Variants in PARP11 observed in about 807,000 individuals in gnomAD.
The protein encoded by PARP11 is poly(ADP-ribose) polymerase family member 11.
Under a neutral mutation model 42.9 loss-of-function variants are expected in PARP11, and 31 were observed. The ratio of observed to expected loss-of-function variants is 0.72; its 90% CI spans 0.54 to 0.98. The LOEUF (loss-of-function observed/expected upper bound fraction) is 0.98. Among genes scored for constraint, PARP11 ranks in the 50% least tolerant of loss-of-function variants. PARP11 has a pLI of 0.00. For missense variants in PARP11, 365 were observed against 413.1 expected, an observed-to-expected ratio of 0.88 and a Z score of 1.01; for synonymous variants, 137 against 127.3, an observed-to-expected ratio of 1.08 and a Z score of -0.51.
intron 1 of PARP11, among the ~76,000 whole-genome samples, chr12:3,831,269 T>G (rs1365850893): frequency 6.6e-6 from 1 of 151,776 alleles, no homozygotes; most frequent in East Asian, 2.0e-4. Flanking sequence ...CTCACTCTGT[T>G]TGTGTGTGTA....
chr12:3,813,827 C>T (rs1947229856), intron 7 of PARP11, among the ~76,000 whole-genome samples: 1 of 152,150 alleles, frequency 6.6e-6, no homozygotes, highest in Non-Finnish European at 1.5e-5. Context: ...TTCCTTATTG[C>T]TCACTAATAT....
chr12:3,873,172 C>A (rs957723588), intron 1 of PARP11, 40 bp downstream of exon 1: 14 of 1,506,588 alleles, frequency 9.3e-6, no homozygotes, highest in Non-Finnish European at 1.3e-5. Flanking sequence ...TCTCATCAAC[C>A]CCGCCCCCTG....
At chr12:3,836,750 G>C (rs1454042661) in intron 1 of PARP11, among the ~76,000 whole-genome samples, 4 of 152,198 alleles carry the variant, frequency 2.6e-5, no homozygotes. Flanking sequence ...CAAATATTAT[G>C]TAGGGAGAGA....
At chr12:3,837,891 A>G (rs1591777967) in intron 1 of PARP11, among the ~76,000 whole-genome samples, 1 of 152,020 alleles carries the variant, frequency 6.6e-6, no homozygotes, top group African/African-American at 2.4e-5. Flanking sequence ...GGGTCAACGA[A>G]GCAAGTGGAC....
intron 1 of PARP11, among the ~76,000 whole-genome samples, chr12:3,830,709 G>T (rs1000714832): frequency 6.6e-6 from 1 of 152,102 alleles, no homozygotes; most frequent in Non-Finnish European, 1.5e-5. Flanking sequence ...CTACACAGAT[G>T]AAAATTCATT....
At chr12:3,858,821 G>A (rs1948239394) in intron 1 of PARP11, among the ~76,000 whole-genome samples, 1 of 152,182 alleles carries the variant, frequency 6.6e-6, no homozygotes, top group East Asian at 1.9e-4. Context: ...TGGGTGCGGT[G>A]GCTCACGCCT....
chr12:3,812,656 C>T (rs1231934295), intron 7 of PARP11, among the ~76,000 whole-genome samples: 1 of 152,180 alleles, frequency 6.6e-6, no homozygotes. Context: ...TTGGTACAGA[C>T]CAGTCCTCAC....
intron 1 of PARP11, among the ~76,000 whole-genome samples, chr12:3,848,526 A>C (rs1213681157): frequency 2.6e-5 from 4 of 152,194 alleles, no homozygotes; most frequent in Admixed American, 1.3e-4. Context: ...ACTCATTTCA[A>C]CAAAGTCACC....
At position 3,861,002 on chromosome 12, in the gene PARP11, A is replaced by G. The variant is rs1375881298; in HGVS notation, c.18+12210T>C. On this transcript the variant is annotated intron_variant, in intron 1 of 7. Coordinates refer to ENST00000228820, the MANE Select transcript of PARP11 (RefSeq NM_020367.6). This position sits in a 1 kb window ranked among gnomAD's most constrained non-coding sequence, Gnocchi z 4.6. ...CCACCATTGCATTTTGGAAGCACATATTTGGTTTCACAGGGTCACAGCTGG... is the reference window on the plus strand; with the variant it reads ...CCACCATTGCATTTTGGAAGCACATGTTTGGTTTCACAGGGTCACAGCTGG... 6.6e-6 allele frequency among the ~76,000 whole-genome samples: 1 copy of G among 152,156 alleles called. No individual in the cohort carries two copies. Among genetic ancestry groups the G allele is most frequent in the African/African-American group, 2.4e-5 (1 of 41,450 alleles).
intron 6 of PARP11, among the ~76,000 whole-genome samples, 176 bp downstream of exon 6, chr12:3,821,690 CAAAGTTT>C (rs1947395869): frequency 6.6e-6 from 1 of 152,200 alleles, no homozygotes; most frequent in Non-Finnish European, 1.5e-5. Context: ...ATGCTACAAG[CAAAGTTT>C]ACAGAGCACC....
chr12:3,822,352 ACTTTGG>A (rs1947413711), intron 4 of PARP11, among the ~76,000 whole-genome samples, 195 bp from the exon 5 acceptor site: 1 of 151,770 alleles, frequency 6.6e-6, no homozygotes, highest in African/African-American at 2.4e-5. Context: ...TAATCCCAGC[ACTTTGG>A]GAGGCCGAGG....
intron 1 of PARP11, among the ~76,000 whole-genome samples, chr12:3,835,345 T>G (rs1201978479): frequency 6.6e-6 from 1 of 151,284 alleles, no homozygotes; most frequent in East Asian, 2.0e-4. Flanking sequence ...GAAAATGGAC[T>G]TTACAGAATT....
At chr12:3,866,898 G>A (rs956592803) in intron 1 of PARP11, among the ~76,000 whole-genome samples, 1 of 152,110 alleles carries the variant, frequency 6.6e-6, no homozygotes, top group Non-Finnish European at 1.5e-5. Context: ...ATATAGAAGA[G>A]CAATTACTGT....
rs1337367981 is a variant in PARP11, at chr12:3,809,530, T to C, written c.*2593A>G. 1.4e-5 allele frequency: 2 copies of C among 140,492 alleles called. No homozygotes were observed. The highest frequency in any genetic ancestry group is 3.1e-5 in the Non-Finnish European group (2 of 65,508). The allele number at this position is 140,492 out of a possible 1,614,324, so 8.7% of individuals were successfully genotyped here. On this transcript the variant is annotated 3_prime_UTR_variant, in exon 8 of 8. Transcript: ENST00000228820. ...TCACAGATACTTAGCTCTGGGTTCC[T>C]AGTCACCTTGAGATAAGATCTGCAA...
At position 3,840,710 on chromosome 12, in the gene PARP11, C is replaced by G; in HGVS notation, c.19-10692G>C. On this transcript the variant is annotated intron_variant, in intron 1 of 7. Coordinates refer to ENST00000228820, the MANE Select transcript of PARP11 (RefSeq NM_020367.6). This position sits in a 1 kb window ranked among gnomAD's most constrained non-coding sequence, Gnocchi z 4.4. ...CAGGCGGAGAATGGATACAGAAGAA[C>G]GAAAAGACAAAGACTCTATTCATGG... 7.8e-7 allele frequency: 1 copy of G among 1,276,692 alleles called. No individual in the cohort carries two copies. The highest frequency in any genetic ancestry group is 1.2e-5 in the South Asian group (1 of 84,226). The allele number at this position is 1,276,692 out of a possible 1,614,324, so 79.1% of individuals were successfully genotyped here.
chr12:3,836,791 ACT>A (rs553426222), intron 1 of PARP11, among the ~76,000 whole-genome samples: 1 of 151,890 alleles, frequency 6.6e-6, no homozygotes, highest in Non-Finnish European at 1.5e-5. Context: ...GAATGAAAAA[ACT>A]CTGAGCAGAC....
At chr12:3,833,730 A>C (rs1458069715) in intron 1 of PARP11, among the ~76,000 whole-genome samples, 1 of 152,264 alleles carries the variant, frequency 6.6e-6, no homozygotes. Flanking sequence ...AATGTACTCA[A>C]TCTCAGAACA....
intron 1 of PARP11, among the ~76,000 whole-genome samples, chr12:3,868,213 C>T (rs1948422847): frequency 6.6e-6 from 1 of 152,148 alleles, no homozygotes; most frequent in African/African-American, 2.4e-5. Context: ...GTAATCCCAC[C>T]ACTTTGGGAG....
At chr12:3,816,388 G>A (rs1407892176) in intron 6 of PARP11, among the ~76,000 whole-genome samples, 1 of 152,188 alleles carries the variant, frequency 6.6e-6, no homozygotes, top group Non-Finnish European at 1.5e-5. Flanking sequence ...TCCAAGAAGA[G>A]AGCATGCATG....
Sources: allele counts gnomAD v4.1 joint callset (sites outside exome capture counted in the v4.1 genomes callset), GRCh38; gene constraint gnomAD v4.1.1; non-coding constraint Gnocchi (gnomAD v3.1); transcripts MANE v1.5; gene names NCBI Gene and HGNC (gene_info 2026-07-23, HGNC 2026-07-21).